BCAR3: variants seen among roughly 807,000 people sequenced by gnomAD.
The protein encoded by BCAR3 is BCAR3 adaptor protein, NSP family member.
BCAR3 carries 37 observed loss-of-function variants against 80.1 expected under a neutral mutation model. The observed-to-expected ratio is 0.46, with a 90% CI of 0.36 to 0.61. BCAR3 has a LOEUF of 0.61. BCAR3 is among the 20% of genes least tolerant of loss of function. The pLI is 0.00. For synonymous variants in BCAR3, 389 were observed against 418.9 expected (o/e 0.93, Z 0.87); for missense variants, 978 against 1,068.2 (o/e 0.92, Z 1.18).
intron 2 of BCAR3, among the ~76,000 whole-genome samples, chr1:93,778,072 C>T (rs1312648585): frequency 6.6e-6 from 1 of 152,184 alleles, no homozygotes; most frequent in Non-Finnish European, 1.5e-5. Flanking sequence ...CCCCAGGGAT[C>T]TCTGACACTT....
chr1:93,592,630 C>G lies in BCAR3; in HGVS notation c.358-237G>C, dbSNP rs1253246220. On this transcript the variant is annotated intron_variant, in intron 3 of 11. Coordinates refer to ENST00000260502, the MANE Select transcript of BCAR3 (RefSeq NM_003567.4). This position sits in a 1 kb window ranked among gnomAD's most constrained non-coding sequence, Gnocchi z 4.8. Reference sequence around the variant, plus strand: ...GGTAGGAGAGTCCACCAAGAGGTTCCTTTTACCAGTCTACTCAAGCAGCTG... The same window carrying G: ...GGTAGGAGAGTCCACCAAGAGGTTCGTTTTACCAGTCTACTCAAGCAGCTG... The G allele has an allele frequency of 2.3e-6, 1 of 434,088 alleles. No homozygotes were observed. The highest frequency in any genetic ancestry group is 4.1e-6 in the Non-Finnish European group (1 of 246,016). 26.9% of individuals were successfully genotyped at this position (434,088 alleles called of 1,614,324 possible).
chr1:93,654,368 T>A (rs2101923321), intron 2 of BCAR3, among the ~76,000 whole-genome samples: 1 of 152,244 alleles, frequency 6.6e-6, no homozygotes, highest in South Asian at 2.1e-4. Flanking sequence ...GCAAGTGGTC[T>A]CCAGGAGATG....
intron 1 of BCAR3, chr1:93,846,735 C>A: frequency 2.6e-6 from 1 of 381,918 alleles, no homozygotes; most frequent in Non-Finnish European, 5.2e-6. Context: ...CCCACGCAGT[C>A]GCGGGCCCCG....
intron 1 of BCAR3, chr1:93,680,974 C>T (rs1299941422): frequency 6.6e-6 from 1 of 152,526 alleles, no homozygotes. Flanking sequence ...TCGCCTCTCC[C>T]CACCGCGACG....
chr1:93,754,489 AG>A (rs1333671693), intron 2 of BCAR3: 5 of 152,234 alleles, frequency 3.3e-5, no homozygotes, highest in African/African-American at 1.2e-4. Flanking sequence ...AACATATCTC[AG>A]AGGTGAAATT....
At chr1:93,753,512 C>T (rs1358259316) in intron 2 of BCAR3, 1 of 151,482 alleles carries the variant, frequency 6.6e-6, no homozygotes, top group Non-Finnish European at 1.5e-5. Context: ...GTATGCAGAC[C>T]CTGCACTGCA....
intron 2 of BCAR3, among the ~76,000 whole-genome samples, chr1:93,668,478 C>T (rs1237249698): frequency 6.6e-6 from 1 of 152,196 alleles, no homozygotes; most frequent in Non-Finnish European, 1.5e-5. Flanking sequence ...GGGACCGGGA[C>T]ATTCACCATT....
At chr1:93,803,052 A>T (rs1480550385) in intron 2 of BCAR3, among the ~76,000 whole-genome samples, 4 of 152,150 alleles carry the variant, frequency 2.6e-5, no homozygotes, top group African/African-American at 9.7e-5. Flanking sequence ...AGGTGCTTCA[A>T]ATGTGGGGTG....
chr1:93,573,616 TTA>T lies in BCAR3; in HGVS notation c.1803-1777_1803-1776del, dbSNP rs746570253. ...ATAGACCTAAAATATATTTTTATTATTATTATTATTATTATTATTTTTTTTTT... is the reference window on the plus strand; with the variant it reads ...ATAGACCTAAAATATATTTTTATTATTTATTATTATTATTATTTTTTTTTT... On this transcript the variant is annotated intron_variant, in intron 8 of 11. Transcript: ENST00000260502. Among the ~76,000 whole-genome samples the T allele has an allele frequency of 7.6e-4, 107 of 140,296 alleles. 5 individuals carry two copies. Among genetic ancestry groups the T allele is most frequent in the Non-Finnish European group, 1.2e-3 (76 of 65,256 alleles). The allele number at this position is 140,296 out of a possible 152,430, so 92.0% of individuals were successfully genotyped here. A position where few individuals can be genotyped will look rare whatever the true frequency, so the allele number is the denominator to read the frequency against.
At chr1:93,652,163 G>A (rs1465520759) in intron 2 of BCAR3, among the ~76,000 whole-genome samples, 1 of 152,182 alleles carries the variant, frequency 6.6e-6, no homozygotes, top group African/African-American at 2.4e-5. Flanking sequence ...CGGGAGCCTT[G>A]TTCATTCTGT....
chr1:93,567,079 A>G (rs1672982342), intron 11 of BCAR3, among the ~76,000 whole-genome samples, 200 bp downstream of exon 11: 2 of 152,202 alleles, frequency 1.3e-5, no homozygotes, highest in Admixed American at 6.5e-5. Context: ...ATTGAACAAC[A>G]GAACACACAA....
At chr1:93,637,033 C>T (rs1675803753) in intron 3 of BCAR3, among the ~76,000 whole-genome samples, 1 of 152,070 alleles carries the variant, frequency 6.6e-6, no homozygotes, top group Admixed American at 6.5e-5. Context: ...GAGTTCAAAG[C>T]TTCAGTGAGC....
At chr1:93,615,993 TCC>T (rs1557861664) in intron 3 of BCAR3, among the ~76,000 whole-genome samples, 1 of 152,014 alleles carries the variant, frequency 6.6e-6, no homozygotes, top group Non-Finnish European at 1.5e-5. Flanking sequence ...CAGACACCCT[TCC>T]CCCAGAAATC....
chr1:93,845,478 AT>A (rs1557708396), intron 2 of BCAR3: 1 of 3,148 alleles, frequency 3.2e-4, no homozygotes, highest in Admixed American at 5.8e-3. Context: ...ATATATATAT[AT>A]ATATATATAT....
At chr1:93,666,309 CCTTT>C (rs1486835416) in intron 2 of BCAR3, among the ~76,000 whole-genome samples, 1 of 152,162 alleles carries the variant, frequency 6.6e-6, no homozygotes, top group Non-Finnish European at 1.5e-5. Context: ...TAATTTTAAT[CCTTT>C]ATTTAACCTA....
chr1:93,671,141 C>A (rs567306138), intron 2 of BCAR3, among the ~76,000 whole-genome samples: 1 of 152,170 alleles, frequency 6.6e-6, no homozygotes, highest in East Asian at 1.9e-4. Flanking sequence ...TACAAGCACA[C>A]GCCAATATGC....
At chr1:93,778,521 T>C (rs1571120935) in intron 2 of BCAR3, among the ~76,000 whole-genome samples, 1 of 151,636 alleles carries the variant, frequency 6.6e-6, no homozygotes. Context: ...AATCATGGAG[T>C]CCTTTTTTTT....
At chr1:93,588,444 T>G (rs1674034595) in intron 5 of BCAR3, among the ~76,000 whole-genome samples, 1 of 152,152 alleles carries the variant, frequency 6.6e-6, no homozygotes. Context: ...TCCATTTCTA[T>G]TCTTAGGACA....
chr1:93,752,993 G>A (rs865836232), intron 2 of BCAR3: 31 of 152,274 alleles, frequency 2.0e-4, no homozygotes, highest in African/African-American at 7.0e-4. Context: ...CAGATGGCCC[G>A]TGATGAATCA....
Sources: gnomAD v4.1 joint callset for allele counts (sites outside exome capture counted in the v4.1 genomes callset) on GRCh38, gnomAD v4.1.1 for gene constraint, Gnocchi (gnomAD v3.1) non-coding constraint, MANE v1.5 for transcripts, NCBI Gene and HGNC (gene_info 2026-07-23, HGNC 2026-07-21) for gene names.